The following GARRE1 variants were observed in gnomAD, a reference collection of about 807,000 sequenced individuals.
The protein encoded by GARRE1 is granule associated Rac and RHOG effector protein 1.
Under a neutral mutation model 103.2 loss-of-function variants are expected in GARRE1, and 49 were observed. That is an observed-to-expected ratio of 0.47 (90% CI 0.38 to 0.60). The LOEUF is 0.60. Among genes scored for constraint, GARRE1 ranks in the 20% least tolerant of loss-of-function variants. The pLI is 0.00. For synonymous variants in GARRE1, 505 were observed against 532.8 expected, an observed-to-expected ratio of 0.95 and a Z score of 0.72; for missense variants, 1,199 against 1,370.5, an observed-to-expected ratio of 0.87 and a Z score of 1.98.
chr19:34,274,120 A>G (rs1293105407), intron 1 of GARRE1, among the ~76,000 whole-genome samples: 1 of 152,016 alleles, frequency 6.6e-6, no homozygotes, highest in African/African-American at 2.4e-5. Flanking sequence ...AGAAGGCAGG[A>G]AGGGGCCGGG....
chr19:34,303,268 C>T (rs2073989874), intron 2 of GARRE1, among the ~76,000 whole-genome samples: 1 of 152,098 alleles, frequency 6.6e-6, no homozygotes, highest in Non-Finnish European at 1.5e-5. Context: ...CTTCTACATC[C>T]AGGTGAAGTT....
At chr19:34,294,896 T>G (rs1883284473) in intron 1 of GARRE1, among the ~76,000 whole-genome samples, 1 of 152,102 alleles carries the variant, frequency 6.6e-6, no homozygotes, top group African/African-American at 2.4e-5. Context: ...AAGCTGGCCT[T>G]GAACCCCTGA....
intron 8 of GARRE1, among the ~76,000 whole-genome samples, chr19:34,334,201 G>C (rs1180521669): frequency 6.6e-6 from 1 of 152,134 alleles, no homozygotes; most frequent in Non-Finnish European, 1.5e-5. Flanking sequence ...TGATGATCTT[G>C]AGCTCATGTT....
At chr19:34,274,319 C>T (rs888368505) in intron 1 of GARRE1, among the ~76,000 whole-genome samples, 2 of 152,156 alleles carry the variant, frequency 1.3e-5, no homozygotes, top group African/African-American at 4.8e-5. Flanking sequence ...GCAGGAGAAT[C>T]GCTTGAACCC....
At chr19:34,283,496 T>TA (rs1234391159) in intron 1 of GARRE1, among the ~76,000 whole-genome samples, 2 of 152,222 alleles carry the variant, frequency 1.3e-5, no homozygotes. Context: ...TAGTGCTTAA[T>TA]ATGTGCCAGA....
chr19:34,337,981 C>T (rs1341545469), intron 8 of GARRE1, among the ~76,000 whole-genome samples: 1 of 152,202 alleles, frequency 6.6e-6, no homozygotes, highest in Non-Finnish European at 1.5e-5. Context: ...CCAAGATTCT[C>T]TCTGAGGAGT....
Position 34,342,063 on chromosome 19 carries a change from C to T in GARRE1, c.2129C>T (p.Pro710Leu), listed in dbSNP as rs1477891703. The T allele has an allele frequency of 6.2e-7, 1 of 1,614,040 alleles. No individual in the cohort carries two copies. Among genetic ancestry groups the T allele is most frequent in the Non-Finnish European group, 8.5e-7 (1 of 1,180,038 alleles). ...PRAPQAGAHT[P>L]LTPQPGLAPQ... ...GCACCCCAGGCTGGGGCACACACAC[C>T]TCTGACACCCCAGCCGGGACTGGCA... Residue 710 changes from proline to leucine, a missense_variant, in exon 10 of 14, where the codon CCT (proline) becomes CTT (leucine). Transcript: ENST00000299505.
rs1291353014 is a variant in GARRE1 at position 34,352,692 on chromosome 19, C to A, written c.2950C>A (p.Pro984Thr). 2 of 1,613,684 alleles carry A rather than the reference C, an allele frequency of 1.2e-6. No individual in the cohort carries two copies. The highest frequency in any genetic ancestry group is 1.1e-5 in the South Asian group (1 of 91,058). Residue 984 changes from proline to threonine, a missense_variant, in exon 14 of 14, where the codon CCT (proline) becomes ACT (threonine). Coordinates refer to ENST00000299505, the MANE Select transcript of GARRE1 (RefSeq NM_014686.5). ...TWPPKAPWQH[P>T]SPLPSTLPSP... is the part of the protein sequence containing the mutation. ...GCCACCCAAAGCACCCTGGCAGCAC[C>A]CTTCCCCGCTTCCCAGCACGCTGCC...
intron 1 of GARRE1, among the ~76,000 whole-genome samples, chr19:34,268,432 C>T (rs1176190633): frequency 6.6e-6 from 1 of 151,790 alleles, no homozygotes; most frequent in African/African-American, 2.4e-5. Flanking sequence ...TTTTGGCTCA[C>T]AGTGTTCCTG....
intron 1 of GARRE1, among the ~76,000 whole-genome samples, chr19:34,269,738 T>G (rs760449626): frequency 6.6e-6 from 1 of 152,146 alleles, no homozygotes; most frequent in Non-Finnish European, 1.5e-5. Context: ...TTGTTTTGTT[T>G]TAGTAGCTAC....
chr19:34,261,842 G>C (rs1264316096), intron 1 of GARRE1, among the ~76,000 whole-genome samples: 2 of 152,176 alleles, frequency 1.3e-5, no homozygotes, highest in Non-Finnish European at 2.9e-5. Context: ...GTCCTGTGCT[G>C]AGTCCTTCGA....
chr19:34,307,267 A>G (rs888796546), intron 2 of GARRE1, among the ~76,000 whole-genome samples: 2 of 152,042 alleles, frequency 1.3e-5, no homozygotes, highest in South Asian at 4.1e-4. Flanking sequence ...ATTCTTTTGT[A>G]GTGAGCAGCG....
intron 1 of GARRE1, among the ~76,000 whole-genome samples, chr19:34,275,949 G>A (rs558850035): frequency 6.6e-6 from 1 of 152,252 alleles, no homozygotes; most frequent in African/African-American, 2.4e-5. Flanking sequence ...TTGTGATTTT[G>A]ATTTGCATTT....
chr19:34,314,109 C>G (rs903657781), intron 2 of GARRE1, among the ~76,000 whole-genome samples: 2 of 152,058 alleles, frequency 1.3e-5, no homozygotes, highest in Admixed American at 6.6e-5. Context: ...CCAAAACTTG[C>G]ATTTTGAATG....
chr19:34,327,583 T>TA, intron 4 of GARRE1, 22 bp downstream of exon 4: 2 of 1,611,630 alleles, frequency 1.2e-6, no homozygotes, highest in Non-Finnish European at 1.7e-6. Context: ...AGAACTGACA[T>TA]ACTGATTTCC....
chr19:34,276,418 C>G (rs2145217724), intron 1 of GARRE1, among the ~76,000 whole-genome samples: 1 of 152,244 alleles, frequency 6.6e-6, no homozygotes, highest in East Asian at 1.9e-4. Context: ...ACAAACATAA[C>G]ACATTTGATT....
At chr19:34,270,780 T>G (rs2073782498) in intron 1 of GARRE1, among the ~76,000 whole-genome samples, 1 of 152,236 alleles carries the variant, frequency 6.6e-6, no homozygotes, top group Non-Finnish European at 1.5e-5. Context: ...TGTTATACAT[T>G]AGTTAACTTG....
At chr19:34,269,599 G>A (rs2073774164) in intron 1 of GARRE1, among the ~76,000 whole-genome samples, 1 of 151,922 alleles carries the variant, frequency 6.6e-6, no homozygotes, top group African/African-American at 2.4e-5. Context: ...CCCTTGCTGT[G>A]TTACCCAGGC....
rs567353910 is a variant in GARRE1 at position 34,308,260 on chromosome 19, T to C, written c.495+7292T>C. Among the ~76,000 whole-genome samples the C allele has an allele frequency of 1.2e-4, 18 of 146,238 alleles. No homozygotes were observed. In the East Asian group the frequency reaches 3.5e-3, roughly 28 times the overall value. ...TTCCTTTTTTTTTTTTTTTTTTTTT[T>C]GCCCTAAAGGTAAAAGTAAGTGTTA... is the stretch of plus-strand genomic sequence containing the variant. On this transcript the variant is annotated intron_variant, in intron 2 of 13. Coordinates refer to ENST00000299505, the MANE Select transcript of GARRE1 (RefSeq NM_014686.5).
Sources: allele counts gnomAD v4.1 joint callset (sites outside exome capture counted in the v4.1 genomes callset), GRCh38; gene constraint gnomAD v4.1.1; transcripts MANE v1.5; gene names NCBI Gene and HGNC (gene_info 2026-07-23, HGNC 2026-07-21).